PTPRD: variants seen among roughly 807,000 people sequenced by gnomAD.
The protein encoded by PTPRD is receptor-type tyrosine-protein phosphatase delta.
Under a neutral mutation model 214.5 loss-of-function variants are expected in PTPRD, and 34 were observed. The observed-to-expected ratio is 0.16, with a 90% CI of 0.12 to 0.21. The LOEUF is 0.21. Among genes scored for constraint, PTPRD ranks in the 10% least tolerant of loss-of-function variants. PTPRD has a pLI of 1.00. For synonymous variants in PTPRD, 1,128 were observed against 845.7 expected, an observed-to-expected ratio of 1.33 and a Z score of -5.79; for missense variants, 2,545 against 2,398.7, an observed-to-expected ratio of 1.06 and a Z score of -1.27.
chr9:9,712,787 G>C (rs1188225008), intron 7 of PTPRD, among the ~76,000 whole-genome samples: 1 of 152,070 alleles, frequency 6.6e-6, no homozygotes, highest in African/African-American at 2.4e-5. Context: ...ACCTACCTAA[G>C]AAATGCCTTA....
intron 3 of PTPRD, among the ~76,000 whole-genome samples, chr9:10,075,910 A>G (rs535685544): frequency 2.6e-5 from 4 of 152,262 alleles, no homozygotes; most frequent in African/African-American, 9.6e-5. Flanking sequence ...TCTTCTACAT[A>G]AATGCTTTAA....
At chr9:10,027,041 G>A (rs564435989) in intron 4 of PTPRD, among the ~76,000 whole-genome samples, 1 of 152,198 alleles carries the variant, frequency 6.6e-6, no homozygotes, top group East Asian at 1.9e-4. Flanking sequence ...TAGAGACTTG[G>A]CCTTGGTAAA....
chr9:8,607,688 A>T (rs2095285115), intron 14 of PTPRD, among the ~76,000 whole-genome samples: 2 of 152,094 alleles, frequency 1.3e-5, no homozygotes, highest in South Asian at 4.1e-4. Flanking sequence ...AACGAATGGG[A>T]GTGGCCCCTG....
At chr9:8,735,128 G>GTTTTTTTTTGTTTT (rs2089877493) in intron 11 of PTPRD, among the ~76,000 whole-genome samples, 2 of 142,504 alleles carry the variant, frequency 1.4e-5, no homozygotes, top group Non-Finnish European at 3.1e-5. Flanking sequence ...CAATAATTTG[G>GTTTTTTTTTGTTTT]TTTTTTTTTG....
chr9:10,100,685 T>C (rs2098543124), intron 3 of PTPRD, among the ~76,000 whole-genome samples: 1 of 151,548 alleles, frequency 6.6e-6, no homozygotes, highest in Admixed American at 6.6e-5. Context: ...TGTTGGAGCG[T>C]TACAGATTGG....
At chr9:10,598,689 TGTGTGTGTGTGTGTGGTGTGTG>T (rs1385375500) in intron 2 of PTPRD, among the ~76,000 whole-genome samples, 1 of 101,866 alleles carries the variant, frequency 9.8e-6, no homozygotes, top group East Asian at 3.6e-4. Flanking sequence ...TGTGTGTGTG[TGTGTGTGTGTGTGTGGTGTGTG>T]GTGTGTGTGT....
intron 5 of PTPRD, among the ~76,000 whole-genome samples, chr9:9,829,036 C>T (rs544132598): frequency 2.0e-5 from 3 of 151,940 alleles, no homozygotes; most frequent in African/African-American, 7.2e-5. Context: ...ACTACTGATG[C>T]ATCCTGATGT....
chr9:9,381,902 C>T (rs1596759997), intron 9 of PTPRD, among the ~76,000 whole-genome samples: 1 of 135,550 alleles, frequency 7.4e-6, no homozygotes. Flanking sequence ...TTGACTATTT[C>T]TGTAAAAAAA....
At chr9:9,726,961 A>G (rs552418592) in intron 7 of PTPRD, among the ~76,000 whole-genome samples, 6 of 152,182 alleles carry the variant, frequency 3.9e-5, no homozygotes, top group Non-Finnish European at 8.8e-5. Flanking sequence ...CAAACAGAGA[A>G]TAATAAGCAG....
intron 5 of PTPRD, among the ~76,000 whole-genome samples, chr9:9,901,979 A>G (rs1295505801): frequency 1.3e-5 from 2 of 152,324 alleles, no homozygotes; most frequent in East Asian, 3.9e-4. Flanking sequence ...TAATTTTCAT[A>G]TTACATCTTC....
chr9:10,113,137 A>G (rs1563894002), intron 3 of PTPRD, among the ~76,000 whole-genome samples: 1 of 152,216 alleles, frequency 6.6e-6, no homozygotes, highest in Non-Finnish European at 1.5e-5. Context: ...GAGAGGATGC[A>G]AGTATAAAAA....
intron 4 of PTPRD, among the ~76,000 whole-genome samples, chr9:9,951,894 T>A (rs1249738796): frequency 6.6e-6 from 1 of 152,236 alleles, no homozygotes; most frequent in Non-Finnish European, 1.5e-5. Flanking sequence ...AATTTATTGA[T>A]ACCCATCATT....
intron 14 of PTPRD, among the ~76,000 whole-genome samples, chr9:8,592,354 G>A (rs2154265637): frequency 6.6e-6 from 1 of 152,202 alleles, no homozygotes; most frequent in African/African-American, 2.4e-5. Flanking sequence ...ACCAATCTAA[G>A]CACCTGGTGT....
chr9:9,814,689 A>G (rs993002828), intron 5 of PTPRD, among the ~76,000 whole-genome samples: 4 of 152,094 alleles, frequency 2.6e-5, no homozygotes, highest in African/African-American at 7.2e-5. Context: ...AACAATCTAC[A>G]GGTTCCACGC....
chr9:8,380,929 A>G (rs1286622533), intron 37 of PTPRD, among the ~76,000 whole-genome samples: 1 of 152,170 alleles, frequency 6.6e-6, no homozygotes, highest in Non-Finnish European at 1.5e-5. Context: ...TCTCAATTTA[A>G]TAAAGACTTA....
chr9:8,643,286 G>A (rs2096616092), intron 12 of PTPRD, among the ~76,000 whole-genome samples: 1 of 151,804 alleles, frequency 6.6e-6, no homozygotes. Context: ...CTTGCAAGAT[G>A]TTATCATTAC....
intron 2 of PTPRD, among the ~76,000 whole-genome samples, chr9:10,353,207 G>T (rs1024094802): frequency 2.3e-4 from 35 of 151,850 alleles, no homozygotes; most frequent in Admixed American, 1.8e-3. Flanking sequence ...TTAAAATTAG[G>T]ATTTCAGAGG....
intron 17 of PTPRD, chr9:8,525,237 C>A: frequency 1.4e-6 from 1 of 699,154 alleles, no homozygotes; most frequent in South Asian, 1.5e-5. Context: ...TTTACATCAT[C>A]AATGCTAGCA....
intron 11 of PTPRD, among the ~76,000 whole-genome samples, chr9:9,015,885 G>T (rs77869128): frequency 0.01 from 1,587 of 152,102 alleles, 17 homozygotes; most frequent in African/African-American, 0.037. Flanking sequence ...GAAAATCAGG[G>T]GCACAAACTT....
Sources: allele counts gnomAD v4.1 joint callset (sites outside exome capture counted in the v4.1 genomes callset), GRCh38; gene constraint gnomAD v4.1.1; transcripts MANE v1.5; gene names NCBI Gene and HGNC (gene_info 2026-07-23, HGNC 2026-07-21).